The following TTC28 variants were observed in gnomAD, a reference collection of about 807,000 sequenced individuals.
TTC28 encodes tetratricopeptide repeat domain 28, also known as tetratricopeptide repeat protein 28.
Under a neutral mutation model 198.0 loss-of-function variants are expected in TTC28, and 61 were observed. The observed-to-expected ratio is 0.31, with a 90% confidence interval of 0.25 to 0.38. The LOEUF (loss-of-function observed/expected upper bound fraction) is 0.38, where lower values mean the gene tolerates loss of function less well. TTC28 is among the 10% of genes least tolerant of loss of function. The pLI is 1.00. For synonymous variants in TTC28, 1,171 were observed against 1,297.8 expected (o/e 0.90, Z 2.10); for missense variants, 2,678 against 3,164.0 (o/e 0.85, Z 3.69).
chr22:28,148,209 A>G (rs1045070847), intron 6 of TTC28, among the ~76,000 whole-genome samples: 1 of 152,244 alleles, frequency 6.6e-6, no homozygotes, highest in African/African-American at 2.4e-5. Flanking sequence ...CAGTCTTCCT[A>G]CTAACTGTAA....
chr22:28,539,258 T>A (rs2049360396), intron 2 of TTC28, among the ~76,000 whole-genome samples: 1 of 152,126 alleles, frequency 6.6e-6, no homozygotes. Context: ...GGGGTAGATT[T>A]GAACTGGATG....
At chr22:28,134,476 T>A (rs929670188) in intron 6 of TTC28, among the ~76,000 whole-genome samples, 1 of 152,142 alleles carries the variant, frequency 6.6e-6, no homozygotes, top group Non-Finnish European at 1.5e-5. Context: ...ATTAGACGAA[T>A]GGCTAACTAG....
chr22:28,115,202 C>G (rs1942598137), intron 6 of TTC28, among the ~76,000 whole-genome samples: 1 of 152,002 alleles, frequency 6.6e-6, no homozygotes, highest in African/African-American at 2.4e-5. Flanking sequence ...AGCCTGTGAC[C>G]CGGGCTGAAG....
At chr22:28,669,165 G>T (rs1395168046) in intron 1 of TTC28, among the ~76,000 whole-genome samples, 1 of 129,628 alleles carries the variant, frequency 7.7e-6, no homozygotes, top group African/African-American at 2.9e-5. Flanking sequence ...GGTAGGAGGA[G>T]GGGGGAGGGA....
chr22:28,367,254 A>T (rs143232132), intron 2 of TTC28, among the ~76,000 whole-genome samples: 13 of 152,262 alleles, frequency 8.5e-5, no homozygotes, highest in African/African-American at 3.1e-4. Flanking sequence ...CCCTGACCAC[A>T]ATGGAATAAA....
At chr22:28,072,862 C>T (rs561626786) in intron 12 of TTC28, among the ~76,000 whole-genome samples, 1 of 152,192 alleles carries the variant, frequency 6.6e-6, no homozygotes, top group South Asian at 2.1e-4. Flanking sequence ...TAGCCAACTT[C>T]ATCTCCAGGC....
chr22:28,276,211 C>T (rs988630468), intron 5 of TTC28, among the ~76,000 whole-genome samples: 1 of 151,854 alleles, frequency 6.6e-6, no homozygotes, highest in South Asian at 2.1e-4. Context: ...CGAGGTTTCG[C>T]CATGTTGCCC....
At chr22:28,167,780 T>G (rs1922171958) in intron 5 of TTC28, among the ~76,000 whole-genome samples, 1 of 152,144 alleles carries the variant, frequency 6.6e-6, no homozygotes, top group African/African-American at 2.4e-5. Flanking sequence ...ATGCCCTCTC[T>G]CACCACTCCT....
At chr22:28,463,277 G>A (rs1484859378) in intron 2 of TTC28, among the ~76,000 whole-genome samples, 7 of 152,132 alleles carry the variant, frequency 4.6e-5, no homozygotes, top group Non-Finnish European at 1.0e-4. Context: ...CTCTTTTTTG[G>A]TTCCATATGA....
intron 3 of TTC28, 120 bp from the exon 4 acceptor site, chr22:28,297,972 T>A: frequency 8.6e-7 from 1 of 1,160,086 alleles, no homozygotes; most frequent in Non-Finnish European, 1.2e-6. Context: ...TTATTTCAAG[T>A]ATAAACTCTT....
At chr22:28,609,881 G>C (rs1024726481) in intron 2 of TTC28, among the ~76,000 whole-genome samples, 4 of 152,116 alleles carry the variant, frequency 2.6e-5, no homozygotes, top group Non-Finnish European at 5.9e-5. Context: ...GGTCGACCTG[G>C]GACACTCAAG....
chr22:28,390,751 T>C (rs1261149205), intron 2 of TTC28, among the ~76,000 whole-genome samples: 2 of 152,224 alleles, frequency 1.3e-5, no homozygotes, highest in Non-Finnish European at 2.9e-5. Flanking sequence ...GCATGTGAGA[T>C]GGGTTTCCTG....
chr22:28,144,806 GCTGA>G (rs1210837507), intron 6 of TTC28, among the ~76,000 whole-genome samples: 1 of 152,224 alleles, frequency 6.6e-6, no homozygotes, highest in African/African-American at 2.4e-5. Flanking sequence ...AGACAAGCAA[GCTGA>G]CTGCTGCAGG....
chr22:28,148,331 A>G (rs1234720628), intron 6 of TTC28, among the ~76,000 whole-genome samples: 1 of 152,226 alleles, frequency 6.6e-6, no homozygotes, highest in East Asian at 1.9e-4. Flanking sequence ...ATGAAGTTCT[A>G]GGCCGGGTGC....
At chr22:28,521,170 G>A (rs893103677) in intron 2 of TTC28, among the ~76,000 whole-genome samples, 9 of 152,084 alleles carry the variant, frequency 5.9e-5, no homozygotes, top group Admixed American at 3.3e-4. Flanking sequence ...AGGCCAAGGC[G>A]AGAGGATAGC....
intron 13 of TTC28, chr22:28,028,757 AAAC>A (rs1327809484): frequency 3.3e-5 from 10 of 304,756 alleles, no homozygotes; most frequent in Middle Eastern, 1.2e-3. Context: ...ACTTTACTCC[AAAC>A]AACAGAAACC....
chr22:28,620,236 G>A (rs546094813), intron 2 of TTC28, among the ~76,000 whole-genome samples: 4 of 152,108 alleles, frequency 2.6e-5, no homozygotes, highest in African/African-American at 9.6e-5. Context: ...TGTAATCCCA[G>A]CTACTCAGGA....
chr22:28,457,330 A>G (rs1187537625), intron 2 of TTC28, among the ~76,000 whole-genome samples: 1 of 152,222 alleles, frequency 6.6e-6, no homozygotes, highest in Non-Finnish European at 1.5e-5. Flanking sequence ...CCTTTTCTCA[A>G]TATCCTCAAC....
At chr22:28,397,142 G>GA (rs1173033389) in intron 2 of TTC28, among the ~76,000 whole-genome samples, 5 of 151,436 alleles carry the variant, frequency 3.3e-5, no homozygotes, top group Non-Finnish European at 7.4e-5. Context: ...AAGTTAAAAA[G>GA]AAAAAAAATC....
Sources: allele counts gnomAD v4.1 joint callset (sites outside exome capture counted in the v4.1 genomes callset), GRCh38; gene constraint gnomAD v4.1.1; transcripts MANE v1.5; gene names NCBI Gene and HGNC (gene_info 2026-07-23, HGNC 2026-07-21).